The following SYNE2 variants were observed in gnomAD, a reference collection of about 807,000 sequenced individuals.
The protein encoded by SYNE2 is nesprin-2.
In SYNE2, 431 loss-of-function variants were observed where a neutral mutation model predicts 856.3. The observed-to-expected ratio is 0.50, with a 90% CI of 0.47 to 0.55. The LOEUF (loss-of-function observed/expected upper bound fraction) is 0.55. SYNE2 is among the 20% of genes least tolerant of loss of function. The probability of loss-of-function intolerance (pLI) is 0.00; values close to 1 mark genes in which losing one functional copy is unlikely to be tolerated. For missense variants in SYNE2, 8,129 were observed against 8,023.2 expected (o/e 1.01, Z -0.50); for synonymous variants, 2,923 against 2,872.3 (o/e 1.02, Z -0.56).
chr14:63,763,354 A>G (rs35321406), intron 1 of SYNE2, among the ~76,000 whole-genome samples: 12,324 of 152,250 alleles, frequency 0.081, 683 homozygotes, highest in Middle Eastern at 0.14. Flanking sequence ...TAGATGCAAA[A>G]TAAAGCACAT....
At position 64,107,601 on chromosome 14, in the gene SYNE2, A is replaced by C; in HGVS notation, c.12603A>C (p.Thr4201=). ...AATGTTCCCTAAGGCCCAACCAAAC[A>C]GAAGAGGTAAGTCCTGGTTGGTAAT... ...GPECSLRPNQ[T]EEGTTPPIEA... The change falls in exon 65 of 116, where the codon ACA becomes ACC. Residue 4201 remains threonine (T), a synonymous_variant. Coordinates refer to ENST00000555002, the MANE Select transcript of SYNE2 (RefSeq NM_182914.3). 1 of 1,613,512 alleles carries C rather than the reference A, an allele frequency of 6.2e-7. No homozygotes were observed. The highest frequency in any genetic ancestry group is 8.5e-7 in the Non-Finnish European group (1 of 1,179,408).
intron 48 of SYNE2, 138 bp downstream of exon 48, chr14:64,053,795 G>C: frequency 1.3e-6 from 1 of 757,822 alleles, no homozygotes; most frequent in Non-Finnish European, 2.1e-6. Flanking sequence ...AAAACTGCAT[G>C]TATACTAAAA....
At chr14:64,117,831 G>A (rs1443904039) in intron 66 of SYNE2, among the ~76,000 whole-genome samples, 1 of 152,162 alleles carries the variant, frequency 6.6e-6, no homozygotes, top group Non-Finnish European at 1.5e-5. Context: ...AATGAGCCGA[G>A]TGCTGGAGTA....
chr14:64,213,064 A>G (rs1377768299), intron 105 of SYNE2, 59 bp downstream of exon 105: 14 of 1,585,010 alleles, frequency 8.8e-6, no homozygotes, highest in South Asian at 3.3e-5. Flanking sequence ...CGTGAGACCA[A>G]ATTTTTAAAG....
intron 32 of SYNE2, among the ~76,000 whole-genome samples, chr14:64,014,863 T>A (rs952152552): frequency 1.3e-5 from 2 of 149,046 alleles, no homozygotes; most frequent in African/African-American, 4.9e-5. Context: ...CATTGATTGA[T>A]TTTTGGATGT....
At chr14:64,111,462 C>T (rs1294479503) in intron 65 of SYNE2, among the ~76,000 whole-genome samples, 1 of 151,878 alleles carries the variant, frequency 6.6e-6, no homozygotes, top group Admixed American at 6.6e-5. Context: ...AAATTGATAT[C>T]TGGAAGTCTG....
intron 1 of SYNE2, among the ~76,000 whole-genome samples, chr14:63,812,131 ATTTCAGTCCTTATC>A (rs1888637231): frequency 6.6e-6 from 1 of 152,034 alleles, no homozygotes. Flanking sequence ...ACCAGGGTGT[ATTTCAGTCCTTATC>A]TCAACCTCAT....
At chr14:63,980,323 T>G (rs769978176) in intron 14 of SYNE2, among the ~76,000 whole-genome samples, 2 of 152,224 alleles carry the variant, frequency 1.3e-5, no homozygotes, top group Non-Finnish European at 2.9e-5. Context: ...GACACAATTA[T>G]GTAATATTAA....
intron 1 of SYNE2, among the ~76,000 whole-genome samples, chr14:63,808,163 A>G (rs1008802194): frequency 1.3e-5 from 2 of 151,622 alleles, no homozygotes; most frequent in Admixed American, 6.6e-5. Context: ...CCTGGGCTCA[A>G]GCGATTCCCC....
chr14:64,193,587 C>T (rs887041767), intron 99 of SYNE2, among the ~76,000 whole-genome samples: 3 of 151,936 alleles, frequency 2.0e-5, no homozygotes, highest in African/African-American at 7.3e-5. Flanking sequence ...TACATAGGTA[C>T]CCGGCCTTGT....
intron 1 of SYNE2, among the ~76,000 whole-genome samples, chr14:63,892,548 G>GA (rs111290463): frequency 0.034 from 5,048 of 147,496 alleles, 285 homozygotes; most frequent in African/African-American, 0.12. Context: ...CATTTGGGGA[G>GA]AAAAAAAAAA....
At chr14:63,880,327 AATGAT>A (rs538221555) in intron 1 of SYNE2, among the ~76,000 whole-genome samples, 128 of 152,178 alleles carry the variant, frequency 8.4e-4, no homozygotes, top group Middle Eastern at 3.4e-3. Context: ...CCTGACCTCA[AATGAT>A]CCACTCACCT....
At chr14:63,980,283 A>G (rs746069220) in intron 14 of SYNE2, among the ~76,000 whole-genome samples, 33 of 152,208 alleles carry the variant, frequency 2.2e-4, no homozygotes, top group Admixed American at 3.3e-4. Context: ...ATTACTCAGT[A>G]TTAATAAAGC....
At chr14:63,992,543 A>G (rs905169882) in intron 21 of SYNE2, among the ~76,000 whole-genome samples, 4 of 152,180 alleles carry the variant, frequency 2.6e-5, no homozygotes, top group African/African-American at 7.2e-5. Context: ...GGTCTCCCAA[A>G]GTGCTGGGAT....
intron 93 of SYNE2, among the ~76,000 whole-genome samples, chr14:64,169,273 T>G (rs2098398721): frequency 6.6e-6 from 1 of 152,268 alleles, no homozygotes; most frequent in Admixed American, 6.5e-5. Flanking sequence ...CAAATGATTC[T>G]TCTGTACTGT....
At chr14:64,214,534 C>T in intron 106 of SYNE2, 64 bp downstream of exon 106, 3 of 1,480,164 alleles carry the variant, frequency 2.0e-6, no homozygotes, top group Non-Finnish European at 2.7e-6. Context: ...AGCCCCTTAG[C>T]AACACGGCCA....
At chr14:64,028,263 ATTTATTTT>A in intron 43 of SYNE2, among the ~76,000 whole-genome samples, 1 of 151,496 alleles carries the variant, frequency 6.6e-6, no homozygotes, top group East Asian at 1.9e-4. Flanking sequence ...TTATTTATTT[ATTTATTTT>A]TAGAGACAGT....
At chr14:63,947,990 T>C (rs2096062512) in intron 6 of SYNE2, among the ~76,000 whole-genome samples, 2 of 152,334 alleles carry the variant, frequency 1.3e-5, no homozygotes, top group East Asian at 1.9e-4. Context: ...TACTATACTT[T>C]GTAATTTTGG....
upstream of SYNE2, among the ~76,000 whole-genome samples, chr14:63,851,168 C>T (rs1188452677): frequency 1.3e-5 from 2 of 152,146 alleles, no homozygotes; most frequent in Non-Finnish European, 2.9e-5. Context: ...CAAGACCAGC[C>T]TGGCCAAGAT....
Sources: allele counts gnomAD v4.1 joint callset (sites outside exome capture counted in the v4.1 genomes callset), GRCh38; gene constraint gnomAD v4.1.1; transcripts MANE v1.5; gene names NCBI Gene and HGNC (gene_info 2026-07-23, HGNC 2026-07-21).